The following POFUT4 variants were observed in gnomAD, a reference collection of about 807,000 sequenced individuals.
The protein encoded by POFUT4 is protein O-fucosyltransferase 4.
chr10:73,773,642 C>T, the POFUT4 span: 8 of 1,614,242 alleles, frequency 5.0e-6, no homozygotes, highest in East Asian at 1.1e-4. Context: ...TCAACGGCTT[C>T]GAGTGTTTCG....
At chr10:73,775,494 T>TA in the POFUT4 span, 1 of 1,614,252 alleles carries the variant, frequency 6.2e-7, no homozygotes, top group South Asian at 1.1e-5. Context: ...GCAGGACTCA[T>TA]AACTATGCTG....
chr10:73,777,887 TCTCA>T, the POFUT4 span, among the ~76,000 whole-genome samples: 1 of 121,552 alleles, frequency 8.2e-6, no homozygotes, highest in African/African-American at 3.2e-5. Context: ...TGAGGCAGAG[TCTCA>T]CTCCATCACC....
the POFUT4 span, among the ~76,000 whole-genome samples, chr10:73,776,909 G>T: frequency 6.6e-6 from 1 of 152,162 alleles, no homozygotes; most frequent in South Asian, 2.1e-4. Flanking sequence ...TCGATTTCTT[G>T]ACTTCGTGAT....
chr10:73,777,802 G>A, the POFUT4 span, among the ~76,000 whole-genome samples: 1 of 151,750 alleles, frequency 6.6e-6, no homozygotes, highest in Non-Finnish European at 1.5e-5. Flanking sequence ...TGATTCACTT[G>A]CCTTGGCCTC....
At chr10:73,772,983 A>G in the POFUT4 span, 1 of 1,599,002 alleles carries the variant, frequency 6.3e-7, no homozygotes, top group East Asian at 2.2e-5. Context: ...CTGCAGTCAC[A>G]CTGCGACGTG....
the POFUT4 span, chr10:73,772,422 G>A: frequency 1.3e-6 from 2 of 1,571,706 alleles, no homozygotes; most frequent in South Asian, 1.2e-5. Context: ...GTAGCGGAGA[G>A]GGAGGCCGGC....
At chr10:73,773,915 A>G in the POFUT4 span, 2 of 1,302,606 alleles carry the variant, frequency 1.5e-6, no homozygotes, top group Non-Finnish European at 2.1e-6. Context: ...GCAGGAGGAA[A>G]TTATCACATG....
chr10:73,775,526 A>T, the POFUT4 span: 1 of 1,614,214 alleles, frequency 6.2e-7, no homozygotes, highest in Non-Finnish European at 8.5e-7. Flanking sequence ...TCCAACCCCC[A>T]TTTTGATATT....
chr10:73,778,941 C>T, the POFUT4 span: 1 of 151,842 alleles, frequency 6.6e-6, no homozygotes, highest in Non-Finnish European at 1.5e-5. Context: ...GGATTCAAGA[C>T]CAGCTTGGGT....
the POFUT4 span, chr10:73,772,483 C>G: frequency 6.4e-7 from 1 of 1,551,622 alleles, no homozygotes. Flanking sequence ...TCCGGCCGCC[C>G]TCGGCGCTGG....
the POFUT4 span, chr10:73,772,713 T>TC: frequency 6.3e-7 from 1 of 1,585,230 alleles, no homozygotes. Context: ...GGCACAGACT[T>TC]CCGCGCGTCG....
At chr10:73,773,555 C>T in the POFUT4 span, 1 of 1,614,262 alleles carries the variant, frequency 6.2e-7, no homozygotes, top group Non-Finnish European at 8.5e-7. Flanking sequence ...AACCTGGGGG[C>T]ATCACCAACC....
At chr10:73,776,418 G>A in the POFUT4 span, among the ~76,000 whole-genome samples, 2 of 150,736 alleles carry the variant, frequency 1.3e-5, no homozygotes, top group Non-Finnish European at 1.5e-5. Context: ...CTGGCCAGGC[G>A]TAGTGGCTTA....
the POFUT4 span, chr10:73,775,895 A>G: frequency 1.8e-6 from 1 of 563,568 alleles, no homozygotes; most frequent in African/African-American, 1.9e-5. Context: ...GGAGGGATAC[A>G]ATTCTTGGTT....
chr10:73,776,676 C>T, the POFUT4 span, among the ~76,000 whole-genome samples: 36 of 152,140 alleles, frequency 2.4e-4, no homozygotes, highest in African/African-American at 7.9e-4. Flanking sequence ...AGCGAGACAC[C>T]GTCTCAAATT....
At chr10:73,772,810 C>T in the POFUT4 span, 1 of 1,611,912 alleles carries the variant, frequency 6.2e-7, no homozygotes, top group South Asian at 1.1e-5. Flanking sequence ...TGAGCCACGG[C>T]CCGGGCATCC....
chr10:73,773,064 G>A, the POFUT4 span: 3 of 1,551,860 alleles, frequency 1.9e-6, no homozygotes, highest in Admixed American at 1.8e-5. Flanking sequence ...GGGCCGGAGG[G>A]AAGGAAAAGG....
the POFUT4 span, chr10:73,772,684 G>C: frequency 6.4e-7 from 1 of 1,561,836 alleles, no homozygotes; most frequent in South Asian, 1.2e-5. Context: ...ACTCGCGGAC[G>C]CGCGCGCTGC....
At chr10:73,772,366 CCTT>C in the POFUT4 span, 1 of 1,517,044 alleles carries the variant, frequency 6.6e-7, no homozygotes, top group Non-Finnish European at 8.8e-7. Context: ...TGGTGTTGGT[CCTT>C]CTAGGGGTGC....
Sources: allele counts gnomAD v4.1 joint callset (sites outside exome capture counted in the v4.1 genomes callset), GRCh38; gene constraint gnomAD v4.1.1; transcripts MANE v1.5; gene names NCBI Gene and HGNC (gene_info 2026-07-23, HGNC 2026-07-21).